Variants in PHLDB2 observed in about 807,000 individuals in gnomAD.
PHLDB2 encodes the protein pleckstrin homology like domain family B member 2.
In PHLDB2, 71 loss-of-function variants were observed where a neutral mutation model predicts 123.6. The observed-to-expected ratio is 0.57, with a 90% CI of 0.47 to 0.70. The LOEUF (loss-of-function observed/expected upper bound fraction) is 0.70. PHLDB2 is among the 30% of genes least tolerant of loss of function. PHLDB2 has a pLI of 0.00. For synonymous variants in PHLDB2, 547 were observed against 541.6 expected, an observed-to-expected ratio of 1.01 and a Z score of -0.14; for missense variants, 1,446 against 1,519.5, an observed-to-expected ratio of 0.95 and a Z score of 0.80.
At chr3:111,860,083 C>T (rs1480706557) in intron 1 of PHLDB2, among the ~76,000 whole-genome samples, 2 of 151,854 alleles carry the variant, frequency 1.3e-5, no homozygotes, top group African/African-American at 2.4e-5. Context: ...AAGATGCTTC[C>T]AGAGTGATTG....
At chr3:111,752,818 T>A (rs2059806351) in intron 1 of PHLDB2, among the ~76,000 whole-genome samples, 1 of 148,750 alleles carries the variant, frequency 6.7e-6, no homozygotes, top group African/African-American at 2.5e-5. Flanking sequence ...CCCACAACAG[T>A]CCCCAGAGTG....
chr3:111,946,045 T>TA (rs2070287660), intron 9 of PHLDB2, among the ~76,000 whole-genome samples: 1 of 144,042 alleles, frequency 6.9e-6, no homozygotes, highest in African/African-American at 2.6e-5. Flanking sequence ...ATATATATAT[T>TA]TTTTGAGACA....
intron 11 of PHLDB2, 25 bp downstream of exon 11, chr3:111,952,737 C>T: frequency 6.2e-7 from 1 of 1,601,496 alleles, no homozygotes; most frequent in Non-Finnish European, 8.5e-7. Context: ...AAACCACGGG[C>T]TTCCCATTCC....
chr3:111,782,181 C>A (rs1488068280), intron 1 of PHLDB2, among the ~76,000 whole-genome samples: 1 of 152,028 alleles, frequency 6.6e-6, no homozygotes, highest in Admixed American at 6.6e-5. Flanking sequence ...ATAGTAGAAT[C>A]TAGAGATGGG....
intron 1 of PHLDB2, among the ~76,000 whole-genome samples, chr3:111,754,739 G>A (rs1306857169): frequency 1.3e-5 from 2 of 148,314 alleles, no homozygotes; most frequent in Non-Finnish European, 3.0e-5. Context: ...AGTTTTCAAA[G>A]GGAATGCTTC....
chr3:111,903,533 A>G (rs542688683), intron 2 of PHLDB2, among the ~76,000 whole-genome samples: 114 of 152,268 alleles, frequency 7.5e-4, no homozygotes, highest in African/African-American at 2.7e-3. Context: ...TTTTTCAGGG[A>G]GACATTTGGC....
At chr3:111,898,482 C>A (rs2067004352) in intron 2 of PHLDB2, among the ~76,000 whole-genome samples, 1 of 152,068 alleles carries the variant, frequency 6.6e-6, no homozygotes. Context: ...CGCACCCAGC[C>A]AGCAATTTTT....
chr3:111,962,139 C>T lies in PHLDB2; in HGVS notation c.2904C>T (p.His968=). The T allele has an allele frequency of 6.3e-7, 1 of 1,581,524 alleles. No individual in the cohort carries two copies. The highest frequency in any genetic ancestry group is 8.5e-7 in the Non-Finnish European group (1 of 1,171,348). ...ATCACCAACAGATGAGTGAAGGACA[C>T]AGGCAGAAATCTGAATTTTATAACC... ...GYNHQQMSEG[H]RQKSEFYNRT... Residue 968 remains histidine (H), a synonymous_variant, in exon 13 of 18, where the codon CAC becomes CAT. Transcript: ENST00000431670.
chr3:111,740,452 T>C (rs1018513840), intron 1 of PHLDB2, among the ~76,000 whole-genome samples: 1 of 152,118 alleles, frequency 6.6e-6, no homozygotes, highest in African/African-American at 2.4e-5. Context: ...ATGCCATAAA[T>C]TCAGTAAGAA....
At chr3:111,850,662 G>C (rs1217775557) in intron 2 of PHLDB2, among the ~76,000 whole-genome samples, 1 of 152,048 alleles carries the variant, frequency 6.6e-6, no homozygotes, top group Non-Finnish European at 1.5e-5. Context: ...TACTTGGAAG[G>C]CTGAGGCACG....
chr3:111,900,330 A>AT (rs1428995185), intron 2 of PHLDB2, among the ~76,000 whole-genome samples: 4 of 152,084 alleles, frequency 2.6e-5, no homozygotes, highest in Admixed American at 2.6e-4. Context: ...GGCCTATCTC[A>AT]TTTTTGGCAT....
intron 1 of PHLDB2, among the ~76,000 whole-genome samples, chr3:111,881,506 A>G (rs571395896): frequency 6.6e-6 from 1 of 152,340 alleles, no homozygotes; most frequent in African/African-American, 2.4e-5. Flanking sequence ...TTTTCAGTGA[A>G]TACCTGCAAC....
chr3:111,787,297 T>C (rs2060723880), intron 1 of PHLDB2, among the ~76,000 whole-genome samples: 1 of 152,236 alleles, frequency 6.6e-6, no homozygotes, highest in African/African-American at 2.4e-5. Flanking sequence ...AGTTTAATAA[T>C]TTGCCATTTG....
intron 1 of PHLDB2, among the ~76,000 whole-genome samples, chr3:111,818,962 G>C (rs555320630): frequency 6.6e-6 from 1 of 152,202 alleles, no homozygotes; most frequent in South Asian, 2.1e-4. Flanking sequence ...TCATCAATTG[G>C]GTGGCTTAAA....
At chr3:111,829,580 C>T (rs2062837035) in intron 1 of PHLDB2, among the ~76,000 whole-genome samples, 1 of 150,600 alleles carries the variant, frequency 6.6e-6, no homozygotes, top group Non-Finnish European at 1.5e-5. Context: ...TCTCCTTCCT[C>T]AGCCTTCTGA....
chr3:111,910,057 G>A (rs1314116209), intron 2 of PHLDB2, among the ~76,000 whole-genome samples: 1 of 152,190 alleles, frequency 6.6e-6, no homozygotes, highest in African/African-American at 2.4e-5. Context: ...TGAATCTGCA[G>A]TGGGAACAAT....
At chr3:111,757,696 T>C (rs555230111) in intron 1 of PHLDB2, among the ~76,000 whole-genome samples, 34 of 152,296 alleles carry the variant, frequency 2.2e-4, no homozygotes, top group African/African-American at 7.0e-4. Flanking sequence ...TTCCCCATCT[T>C]TGTGGTTTTA....
chr3:111,894,250 T>C (rs1211803717), intron 2 of PHLDB2, among the ~76,000 whole-genome samples: 7 of 152,156 alleles, frequency 4.6e-5, no homozygotes, highest in African/African-American at 1.7e-4. Flanking sequence ...TCATCATTTT[T>C]TGTGGCTGCA....
intron 1 of PHLDB2, among the ~76,000 whole-genome samples, chr3:111,759,698 C>T (rs2059961351): frequency 6.6e-6 from 1 of 152,140 alleles, no homozygotes; most frequent in Non-Finnish European, 1.5e-5. Flanking sequence ...CATCATGCAA[C>T]CCTATAAGGT....
Sources: gnomAD v4.1 joint callset for allele counts (sites outside exome capture counted in the v4.1 genomes callset) on GRCh38, gnomAD v4.1.1 for gene constraint, MANE v1.5 for transcripts, NCBI Gene and HGNC (gene_info 2026-07-23, HGNC 2026-07-21) for gene names.